IQSEC1: variants seen among roughly 807,000 people sequenced by gnomAD.
IQSEC1 encodes the protein IQ motif and Sec7 domain ArfGEF 1, also known as IQ motif and SEC7 domain-containing protein 1.
A neutral mutation model predicts 91.0 loss-of-function variants in IQSEC1; 31 were observed. The ratio of observed to expected loss-of-function variants is 0.34; its 90% confidence interval spans 0.26 to 0.46. The LOEUF is 0.46. IQSEC1 is among the 20% of genes least tolerant of loss of function. The pLI is 1.00. For missense variants in IQSEC1, 1,388 were observed against 1,575.6 expected (o/e 0.88, Z 2.02); for synonymous variants, 699 against 662.6 (o/e 1.05, Z -0.84).
chr3:13,183,748 G>GTTA (rs1178803011), intron 1 of IQSEC1, among the ~76,000 whole-genome samples: 1 of 152,158 alleles, frequency 6.6e-6, no homozygotes, highest in Non-Finnish European at 1.5e-5. Context: ...TTGGTTGGTT[G>GTTA]TTAAACACTT....
chr3:12,976,679 T>G (rs1701190933), intron 1 of IQSEC1, among the ~76,000 whole-genome samples: 1 of 152,366 alleles, frequency 6.6e-6, no homozygotes, highest in East Asian at 1.9e-4. Context: ...TCTGGCTTAA[T>G]CACTTATGTA....
chr3:12,932,704 CAG>C (rs1697789668), intron 3 of IQSEC1, among the ~76,000 whole-genome samples: 1 of 152,170 alleles, frequency 6.6e-6, no homozygotes, highest in South Asian at 2.1e-4. Flanking sequence ...CAGTGAGGCT[CAG>C]AGAGTTCAGG....
intron 1 of IQSEC1, among the ~76,000 whole-genome samples, chr3:13,176,722 G>A (rs1043799660): frequency 1.3e-5 from 2 of 152,208 alleles, no homozygotes. Context: ...GAAACCCAGG[G>A]CACCTGCCTG....
chr3:13,241,070 G>C (rs1309877199), intron 1 of IQSEC1, among the ~76,000 whole-genome samples: 1 of 152,194 alleles, frequency 6.6e-6, no homozygotes, highest in Non-Finnish European at 1.5e-5. Context: ...GAAGACACCA[G>C]AATGTGCCGC....
chr3:12,925,300 G>A (rs997218305), intron 3 of IQSEC1, among the ~76,000 whole-genome samples: 3 of 152,198 alleles, frequency 2.0e-5, no homozygotes, highest in Non-Finnish European at 4.4e-5. Flanking sequence ...GCACCGGCGG[G>A]GAGAAATCGC....
intron 1 of IQSEC1, among the ~76,000 whole-genome samples, chr3:13,031,789 G>A (rs776709390): frequency 1.9e-4 from 29 of 152,088 alleles, no homozygotes; most frequent in Non-Finnish European, 3.1e-4. Context: ...AGGAGAGGGC[G>A]GTGCTACACT....
Position 12,897,970 on chromosome 3 carries a change from GAA to G in IQSEC1, c.*3011_*3012del, listed in dbSNP as rs1344897610. ...AATACATGATTTGATTGTTGTCCCA[GAA>G]AAGACTTTTGTCACATTGCCAGCTG... On this transcript the variant is annotated 3_prime_UTR_variant, in exon 14 of 14. Transcript: ENST00000613206. 6.6e-6 allele frequency: 1 copy of G among 152,252 alleles called. No individual in the cohort carries two copies. The highest frequency in any genetic ancestry group is 2.4e-5 in the African/African-American group (1 of 41,464). 9.4% of individuals were successfully genotyped at this position (152,252 alleles called of 1,614,324 possible).
chr3:12,965,672 T>C (rs1181939606), intron 1 of IQSEC1, among the ~76,000 whole-genome samples: 7 of 152,014 alleles, frequency 4.6e-5, no homozygotes, highest in East Asian at 1.9e-4. Context: ...AGCTGGAAGA[T>C]TGAGATGAGA....
intron 2 of IQSEC1, among the ~76,000 whole-genome samples, chr3:13,117,352 G>A (rs1342197070): frequency 3.3e-5 from 5 of 150,350 alleles, no homozygotes; most frequent in African/African-American, 7.4e-5. Flanking sequence ...TTTGGGAGGC[G>A]GAGGCGGGCG....
intron 1 of IQSEC1, among the ~76,000 whole-genome samples, chr3:13,172,556 C>T (rs763753401): frequency 2.0e-5 from 3 of 152,126 alleles, no homozygotes; most frequent in South Asian, 2.1e-4. Context: ...TCAAACAGAA[C>T]GGGAAGGAGA....
At chr3:12,930,985 C>T (rs900245952) in intron 3 of IQSEC1, among the ~76,000 whole-genome samples, 1 of 152,180 alleles carries the variant, frequency 6.6e-6, no homozygotes, top group East Asian at 1.9e-4. Flanking sequence ...ACTGCCAGGG[C>T]CAGCAAGCTC....
intron 2 of IQSEC1, among the ~76,000 whole-genome samples, chr3:13,151,972 A>G (rs369329903): frequency 1.1e-4 from 16 of 152,304 alleles, no homozygotes; most frequent in African/African-American, 3.4e-4. Context: ...ATCTCAAAAA[A>G]ACAAAACAAC....
chr3:12,952,756 G>A (rs949799186), intron 1 of IQSEC1, among the ~76,000 whole-genome samples: 1 of 152,168 alleles, frequency 6.6e-6, no homozygotes, highest in African/African-American at 2.4e-5. Flanking sequence ...TGCTCAGAGC[G>A]GACTTCCCCC....
intron 2 of IQSEC1, among the ~76,000 whole-genome samples, chr3:13,132,665 T>G (rs1022203482): frequency 1.3e-5 from 2 of 152,254 alleles, no homozygotes; most frequent in African/African-American, 4.8e-5. Flanking sequence ...CCAGATCACC[T>G]TGTTCATTTC....
At chr3:13,221,216 G>A (rs1016587221) in intron 1 of IQSEC1, among the ~76,000 whole-genome samples, 2 of 152,188 alleles carry the variant, frequency 1.3e-5, no homozygotes, top group African/African-American at 4.8e-5. Flanking sequence ...TCACGGTGGG[G>A]TGCCTGGGTG....
intron 1 of IQSEC1, among the ~76,000 whole-genome samples, chr3:13,043,108 A>G (rs562954159): frequency 3.9e-5 from 6 of 152,262 alleles, no homozygotes; most frequent in Non-Finnish European, 7.4e-5. Context: ...TGGAACCGCT[A>G]TGACAGCCGC....
intron 2 of IQSEC1, among the ~76,000 whole-genome samples, chr3:13,120,721 C>T (rs955179197): frequency 2.0e-5 from 3 of 152,152 alleles, no homozygotes; most frequent in South Asian, 2.1e-4. Context: ...AGAGGCAGGA[C>T]GCCAGGCCTG....
At chr3:13,045,157 C>A (rs1372860322) in intron 1 of IQSEC1, among the ~76,000 whole-genome samples, 1 of 152,246 alleles carries the variant, frequency 6.6e-6, no homozygotes, top group Non-Finnish European at 1.5e-5. Flanking sequence ...CACCGCTGTT[C>A]CCACCAGACT....
rs1006679425 is a variant in IQSEC1 at position 13,103,311 on chromosome 3, C to T, written c.303-55789G>A. ...AATTTGTGTTTCCAGAAATTCATCTCCCAGCCACCTTTTTAATTAACCGCC... is the reference window on the plus strand; with the variant it reads ...AATTTGTGTTTCCAGAAATTCATCTTCCAGCCACCTTTTTAATTAACCGCC... On this transcript the variant is annotated intron_variant, in intron 2 of 15. Coordinates refer to the IQSEC1 transcript ENST00000648114. The surrounding 1 kb of genome is among the most constrained non-coding windows in gnomAD (Gnocchi z 4.1). Among the ~76,000 whole-genome samples the T allele has an allele frequency of 2.6e-5, 4 of 152,082 alleles. No homozygotes were observed. The highest frequency in any genetic ancestry group is 4.4e-5 in the Non-Finnish European group (3 of 68,030).
Sources: allele counts gnomAD v4.1 joint callset (sites outside exome capture counted in the v4.1 genomes callset), GRCh38; gene constraint gnomAD v4.1.1; non-coding constraint Gnocchi (gnomAD v3.1); transcripts MANE v1.5; gene names NCBI Gene and HGNC (gene_info 2026-07-23, HGNC 2026-07-21).